Variants in JAZF1 observed in about 807,000 individuals in gnomAD.
JAZF1 encodes the protein juxtaposed with another zinc finger protein 1.
In JAZF1, 8 loss-of-function variants were observed where a neutral mutation model predicts 26.4. That is an observed-to-expected ratio of 0.30 (90% confidence interval 0.18 to 0.55). JAZF1 has a LOEUF of 0.55. Among genes scored for constraint, JAZF1 ranks in the 20% least tolerant of loss-of-function variants. The pLI, the probability that JAZF1 is intolerant of heterozygous loss-of-function variation, is 0.94. For missense variants in JAZF1, 199 were observed against 322.0 expected (o/e 0.62, Z 2.92); for synonymous variants, 126 against 122.3 (o/e 1.03, Z -0.20).
intron 1 of JAZF1, among the ~76,000 whole-genome samples, chr7:27,999,937 G>A (rs1410787132): frequency 1.3e-5 from 2 of 152,118 alleles, no homozygotes; most frequent in Non-Finnish European, 2.9e-5. Context: ...ATAAAATGAT[G>A]TACAATTCAC....
At chr7:28,155,822 T>C (rs542775864) in intron 1 of JAZF1, among the ~76,000 whole-genome samples, 2 of 152,330 alleles carry the variant, frequency 1.3e-5, no homozygotes, top group South Asian at 4.1e-4. Flanking sequence ...AGGAACCAAA[T>C]ACCTGGGTCC....
chr7:27,860,140 A>G (rs1192250962), intron 3 of JAZF1, among the ~76,000 whole-genome samples: 5 of 152,230 alleles, frequency 3.3e-5, no homozygotes, highest in African/African-American at 4.8e-5. Context: ...AATTTTCTTA[A>G]ATGTATGATA....
At chr7:27,861,397 T>A (rs893668510) in intron 3 of JAZF1, among the ~76,000 whole-genome samples, 2 of 152,156 alleles carry the variant, frequency 1.3e-5, no homozygotes, top group East Asian at 3.8e-4. Context: ...ACTAATCCTC[T>A]CATATTCTTA....
intron 2 of JAZF1, among the ~76,000 whole-genome samples, chr7:27,969,111 T>C (rs1380504160): frequency 6.6e-6 from 1 of 152,184 alleles, no homozygotes; most frequent in African/African-American, 2.4e-5. Flanking sequence ...ACTCACAATT[T>C]GCCAAGGTGA....
At chr7:28,013,885 G>T (rs1782839828) in intron 1 of JAZF1, among the ~76,000 whole-genome samples, 1 of 152,098 alleles carries the variant, frequency 6.6e-6, no homozygotes, top group Non-Finnish European at 1.5e-5. Context: ...CAGAATTAGG[G>T]TGTGGCTGGC....
chr7:28,061,576 T>C (rs1405467666), intron 1 of JAZF1, among the ~76,000 whole-genome samples: 1 of 152,192 alleles, frequency 6.6e-6, no homozygotes, highest in Non-Finnish European at 1.5e-5. Context: ...GATTCAGCTG[T>C]TGCCATCAAG....
intron 1 of JAZF1, among the ~76,000 whole-genome samples, chr7:28,085,495 G>A (rs960976762): frequency 1.3e-4 from 20 of 152,060 alleles, no homozygotes; most frequent in African/African-American, 4.8e-4. Flanking sequence ...ATAGGTAAAG[G>A]GAACACTTAA....
chr7:27,976,954 T>C (rs572263464), intron 2 of JAZF1, among the ~76,000 whole-genome samples: 2 of 151,358 alleles, frequency 1.3e-5, no homozygotes, highest in African/African-American at 4.8e-5. Context: ...GCTCACATTC[T>C]GGTAGAAGGA....
chr7:27,972,927 ATATATG>A (rs139047784), intron 2 of JAZF1, among the ~76,000 whole-genome samples: 5,619 of 143,162 alleles, frequency 0.039, 361 homozygotes, highest in African/African-American at 0.13. Flanking sequence ...TTTTATGCAT[ATATATG>A]TATATGTGTG....
intron 2 of JAZF1, among the ~76,000 whole-genome samples, chr7:27,963,542 G>A (rs1295830920): frequency 2.0e-5 from 3 of 149,890 alleles, no homozygotes; most frequent in Admixed American, 6.7e-5. Flanking sequence ...ATAGCAAATG[G>A]ATCAATGTTT....
At chr7:28,023,873 A>G (rs538263950) in intron 1 of JAZF1, among the ~76,000 whole-genome samples, 1 of 152,352 alleles carries the variant, frequency 6.6e-6, no homozygotes, top group South Asian at 2.1e-4. Flanking sequence ...CTTCATTAAG[A>G]AATGAGCACC....
intron 3 of JAZF1, among the ~76,000 whole-genome samples, chr7:27,873,352 C>T (rs1157836213): frequency 6.6e-6 from 1 of 152,174 alleles, no homozygotes; most frequent in Admixed American, 6.5e-5. Context: ...AGTTACTTTG[C>T]TTATTAAAAG....
intron 1 of JAZF1, among the ~76,000 whole-genome samples, chr7:28,048,039 G>A (rs921040919): frequency 6.6e-6 from 1 of 152,154 alleles, no homozygotes; most frequent in African/African-American, 2.4e-5. Flanking sequence ...TCGTTGAGGA[G>A]GAAGGAGATT....
intron 1 of JAZF1, among the ~76,000 whole-genome samples, chr7:27,992,960 G>A (rs924971224): frequency 5.3e-5 from 8 of 152,128 alleles, no homozygotes; most frequent in African/African-American, 1.9e-4. Flanking sequence ...TGTAAGCTAT[G>A]TCCACTAACT....
At chr7:27,930,623 A>G (rs1209879710) in intron 2 of JAZF1, among the ~76,000 whole-genome samples, 1 of 152,228 alleles carries the variant, frequency 6.6e-6, no homozygotes. Context: ...TATTTTTTAA[A>G]AAGGAAAGAC....
At chr7:27,953,492 T>A (rs1370538780) in intron 2 of JAZF1, among the ~76,000 whole-genome samples, 1 of 152,194 alleles carries the variant, frequency 6.6e-6, no homozygotes, top group African/African-American at 2.4e-5. Flanking sequence ...GCCTGCAGCT[T>A]AATGCAAGCT....
chr7:27,998,301 A>G (rs1472783151), intron 1 of JAZF1, among the ~76,000 whole-genome samples: 2 of 152,196 alleles, frequency 1.3e-5, no homozygotes, highest in Non-Finnish European at 2.9e-5. Flanking sequence ...CTCTGTATAG[A>G]TAATCTTTTT....
chr7:28,095,663 C>G (rs1218021970), intron 1 of JAZF1, among the ~76,000 whole-genome samples: 2 of 152,194 alleles, frequency 1.3e-5, no homozygotes, highest in Non-Finnish European at 2.9e-5. Context: ...GTCCACCTGT[C>G]CTTCTAGCAG....
intron 4 of JAZF1, among the ~76,000 whole-genome samples, chr7:27,837,141 T>C (rs1010505059): frequency 2.0e-5 from 3 of 152,206 alleles, no homozygotes; most frequent in African/African-American, 7.2e-5. Context: ...GGGCGGGGTA[T>C]TGTTCTGTGT....
Sources: gnomAD v4.1 joint callset for allele counts (sites outside exome capture counted in the v4.1 genomes callset) on GRCh38, gnomAD v4.1.1 for gene constraint, MANE v1.5 for transcripts, NCBI Gene and HGNC (gene_info 2026-07-23, HGNC 2026-07-21) for gene names.